MAST3: variants seen among roughly 807,000 people sequenced by gnomAD.
MAST3 encodes the protein microtubule associated serine/threonine kinase 3.
In MAST3, 43 loss-of-function variants were observed where a neutral mutation model predicts 127.0. That is an observed-to-expected ratio of 0.34 (90% CI 0.27 to 0.44). The LOEUF (loss-of-function observed/expected upper bound fraction) is 0.44. Among genes scored for constraint, MAST3 ranks in the 20% least tolerant of loss-of-function variants. The pLI is 1.00. For synonymous variants in MAST3, 785 were observed against 809.2 expected, an observed-to-expected ratio of 0.97 and a Z score of 0.51; for missense variants, 1,390 against 1,919.1, an observed-to-expected ratio of 0.72 and a Z score of 5.15.
intron 11 of MAST3, among the ~76,000 whole-genome samples, chr19:18,126,312 G>A (rs188403137): frequency 1.4e-4 from 21 of 152,342 alleles, no homozygotes; most frequent in Admixed American, 1.3e-3. Flanking sequence ...TGGTCCAGCA[G>A]TAGCCAGGGG....
rs768295690 is a variant in MAST3, at chr19:18,130,590, G to A, written c.1320G>A (p.Gln440=). 2 of 1,613,596 alleles carry A rather than the reference G, an allele frequency of 1.2e-6. No individual in the cohort carries two copies. Among genetic ancestry groups the A allele is most frequent in the Non-Finnish European group, 1.7e-6 (2 of 1,179,802 alleles). ...TGATCCTGCGTAACCAGATCCAGCA[G>A]GTCTTTGTGGAGCGTGACATTCTCA... ...QNLILRNQIQ[Q]VFVERDILTF... Residue 440 remains glutamine (Q), a synonymous_variant, in exon 14 of 28, where the codon CAG becomes CAA. Transcript: ENST00000687212.
At chr19:18,131,788 A>G in intron 14 of MAST3, 121 bp from the exon 15 acceptor site, 1 of 1,117,080 alleles carries the variant, frequency 9.0e-7, no homozygotes, top group Non-Finnish European at 1.3e-6. Flanking sequence ...AGATAGAACA[A>G]ACTGGGGACC....
intron 1 of MAST3, among the ~76,000 whole-genome samples, chr19:18,104,020 T>C (rs1421682941): frequency 6.6e-6 from 1 of 151,732 alleles, no homozygotes; most frequent in African/African-American, 2.4e-5. Context: ...AAGACCAGCC[T>C]GGGCAACATG....
In MAST3 at chr19:18,128,903, G is replaced by T; in HGVS notation, c.1175G>T (p.Cys392Phe). 1 of 1,613,926 alleles carries T rather than the reference G, an allele frequency of 6.2e-7. No individual in the cohort carries two copies. Among genetic ancestry groups the T allele is most frequent in the Non-Finnish European group, 8.5e-7 (1 of 1,179,884 alleles). Reference sequence around the variant, plus strand: ...GTCGGCCAGTCACGGAGGAAGCCATGCGAAAGCGACTTTGAGACCATCAAA... The same window carrying T: ...GTCGGCCAGTCACGGAGGAAGCCATTCGAAAGCGACTTTGAGACCATCAAA... The part of the protein sequence containing the change: ...ALVGQSRRKP[C>F]ESDFETIKLI... Residue 392 changes from cysteine to phenylalanine, a missense_variant, in exon 13 of 28, where the codon TGC (cysteine) becomes TTC (phenylalanine). This residue lies in a region of MAST3 where 277 missense variants were observed against 384.8 expected (regional missense o/e 0.72). Transcript: ENST00000687212.
In MAST3 at chr19:18,134,687, C is replaced by T. The variant is rs370336444; in HGVS notation, c.1680C>T (p.Asp560=). 7.3e-5 allele frequency: 118 copies of T among 1,613,776 alleles called. No homozygotes were observed. In the African/African-American group the frequency reaches 1.2e-3, roughly 17 times the overall value. The change falls in exon 16 of 28, where the codon GAC becomes GAT. Residue 560 remains aspartate (D), a synonymous_variant. Coordinates refer to ENST00000687212, the MANE Select transcript of MAST3 (RefSeq NM_001393504.1). ...TNLYEGHIEK[D]AREFIDKQVC... is the part of the protein sequence containing the mutation. ...TCTATGAGGGCCACATCGAGAAGGA[C>T]GCCCGAGAGTTCATCGACAAGCAGG...
At chr19:18,118,352 G>C (rs1463223728) in intron 3 of MAST3, 1 of 721,294 alleles carries the variant, frequency 1.4e-6, no homozygotes, top group Non-Finnish European at 1.7e-6. Context: ...CACGGCGAGC[G>C]TCTGTCTGTG....
chr19:18,116,406 C>A (rs1033413677), intron 3 of MAST3, among the ~76,000 whole-genome samples: 2 of 151,176 alleles, frequency 1.3e-5, no homozygotes, highest in Non-Finnish European at 2.9e-5. Context: ...GATTCTCCTG[C>A]CTCAGCCTCC....
At position 18,105,911 on chromosome 19, in the gene MAST3, T is replaced by C. The variant is rs576733762; in HGVS notation, c.40-1676T>C. On this transcript the variant is annotated intron_variant, in intron 1 of 27. Transcript: ENST00000687212. ...CCAGGGCCCAAACCTGCATAGGCTT[T>C]GCAGCGAGTGAGGAGAGAATGGCGT... Among the ~76,000 whole-genome samples, 4 of 152,224 alleles carry C rather than the reference T, an allele frequency of 2.6e-5. 1 individual carries two copies. The South Asian group carries it at 8.3e-4, about 32-fold the overall frequency.
intron 18 of MAST3, 61 bp downstream of exon 18, chr19:18,135,902 T>C (rs2041847153): frequency 2.1e-5 from 28 of 1,331,680 alleles, no homozygotes; most frequent in Non-Finnish European, 2.8e-5. Context: ...ACCCAGGGAA[T>C]GGAGGGATAG....
Position 18,137,399 on chromosome 19 carries a change from C to A in MAST3, c.2095+38C>A, listed in dbSNP as rs2041993810. The A allele has an allele frequency of 2.5e-6, 4 of 1,597,592 alleles. No individual in the cohort carries two copies. The South Asian group carries it at 4.5e-5, about 18-fold the overall frequency. On this transcript the variant is annotated intron_variant, in intron 19 of 27. Coordinates refer to ENST00000687212, the MANE Select transcript of MAST3 (RefSeq NM_001393504.1). ...CCCCCTGGAGGGGGGGCGGGGGGTGCTCTGCCATCCCTCAGTCCCTGGGGG... is the reference window on the plus strand; with the variant it reads ...CCCCCTGGAGGGGGGGCGGGGGGTGATCTGCCATCCCTCAGTCCCTGGGGG...
At chr19:18,125,966 G>A (rs971559353) in intron 11 of MAST3, among the ~76,000 whole-genome samples, 1 of 152,072 alleles carries the variant, frequency 6.6e-6, no homozygotes, top group African/African-American at 2.4e-5. Flanking sequence ...GGCTGAGGCA[G>A]GAGAATCGCT....
chr19:18,122,065 C>T, intron 5 of MAST3, 143 bp downstream of exon 5: 1 of 1,470,508 alleles, frequency 6.8e-7, no homozygotes, highest in African/African-American at 1.4e-5. Context: ...GGTGGTCTCC[C>T]CCTCTGGCTC....
At position 18,141,912 on chromosome 19, in the gene MAST3, C is replaced by A; in HGVS notation, c.2236C>A (p.Gln746Lys). 6.6e-7 allele frequency: 1 copy of A among 1,525,232 alleles called. No individual in the cohort carries two copies. The highest frequency in any genetic ancestry group is 2.5e-5 in the East Asian group (1 of 39,360). 94.5% of individuals were successfully genotyped at this position (1,525,232 alleles called of 1,614,324 possible). A position where few individuals can be genotyped will look rare whatever the true frequency, so the allele number is the denominator to read the frequency against. The stretch of plus-strand genomic sequence containing the variant: ...CAGCAGCTCTGAGTTCCTGGCCGTC[C>A]AGCCCACTCCTACCTTCGCTGAAAG... Reference protein sequence around the residue: ...VYSSSEFLAVQPTPTFAERSF... With the variant: ...VYSSSEFLAVKPTPTFAERSF... Residue 746 changes from glutamine (Q) to lysine (K), a missense_variant, in exon 21 of 28, where the codon CAG becomes AAG. Around this residue, in one of 5 missense-constraint regions of MAST3, gnomAD observed 816 missense variants for 934.1 expected, o/e 0.87. Coordinates refer to ENST00000687212, the MANE Select transcript of MAST3 (RefSeq NM_001393504.1).
chr19:18,123,801 C>A, intron 8 of MAST3, 138 bp from the exon 9 acceptor site: 1 of 1,062,174 alleles, frequency 9.4e-7, no homozygotes, highest in African/African-American at 1.6e-5. Context: ...AGATGTCGTT[C>A]CTCCTGCACC....
intron 3 of MAST3, among the ~76,000 whole-genome samples, chr19:18,117,493 G>A (rs1041386137): frequency 1.3e-5 from 2 of 152,182 alleles, no homozygotes; most frequent in Non-Finnish European, 1.5e-5. Context: ...CCGGTGCTGG[G>A]AGCTGCTGGG....
At chr19:18,122,578 A>C in intron 5 of MAST3, 95 bp from the exon 6 acceptor site, 1 of 1,036,188 alleles carries the variant, frequency 9.7e-7, no homozygotes, top group Non-Finnish European at 1.5e-6. Context: ...TTCCTACAAC[A>C]GGGCCAGAAT....
rs1397045237 is a variant in MAST3, at chr19:18,130,717, G to A, written c.1432+15G>A. 2.5e-6 allele frequency: 4 copies of A among 1,610,462 alleles called. No individual in the cohort carries two copies. Among genetic ancestry groups the A allele is most frequent in the Middle Eastern group, 1.6e-4 (1 of 6,084 alleles). ...ATACGTGGAAGGTACGCTCACTGGG[G>A]CTTGCATGCCTCCAGCGATGGGGAG... On this transcript the variant is annotated intron_variant, in intron 14 of 27. Coordinates refer to ENST00000687212, the MANE Select transcript of MAST3 (RefSeq NM_001393504.1).
chr19:18,126,697 G>T (rs1488171913), intron 11 of MAST3, among the ~76,000 whole-genome samples: 2 of 151,928 alleles, frequency 1.3e-5, no homozygotes, highest in Non-Finnish European at 2.9e-5. Flanking sequence ...TGAGCCCAGG[G>T]GTTTGAGGCT....
intron 3 of MAST3, among the ~76,000 whole-genome samples, chr19:18,118,544 G>A (rs1206486785): frequency 6.6e-6 from 1 of 152,146 alleles, no homozygotes; most frequent in African/African-American, 2.4e-5. Context: ...GTCCAGGGCT[G>A]GGCAGAACCA....
Sources: allele counts gnomAD v4.1 joint callset (sites outside exome capture counted in the v4.1 genomes callset), GRCh38; gene constraint gnomAD v4.1.1; regional missense constraint gnomAD v4.1.1; transcripts MANE v1.5; gene names NCBI Gene and HGNC (gene_info 2026-07-23, HGNC 2026-07-21).